Variants in KIF16B observed in about 807,000 individuals in gnomAD.
KIF16B encodes the protein kinesin-like protein KIF16B.
A neutral mutation model predicts 156.3 loss-of-function variants in KIF16B; 98 were observed. The ratio of observed to expected loss-of-function variants is 0.63; its 90% CI spans 0.53 to 0.74. The LOEUF (loss-of-function observed/expected upper bound fraction) is 0.74. KIF16B is among the 30% of genes least tolerant of loss of function. The probability of loss-of-function intolerance (pLI) is 0.00; values close to 1 mark genes in which losing one functional copy is unlikely to be tolerated. For missense variants in KIF16B, 1,421 were observed against 1,606.5 expected, an observed-to-expected ratio of 0.88 and a Z score of 1.97; for synonymous variants, 564 against 583.7, an observed-to-expected ratio of 0.97 and a Z score of 0.49.
chr20:16,547,280 G>A (rs1477424441), intron 1 of KIF16B, among the ~76,000 whole-genome samples: 1 of 152,128 alleles, frequency 6.6e-6, no homozygotes, highest in Non-Finnish European at 1.5e-5. Context: ...ACAAACACAT[G>A]CCTCCCCTTT....
At chr20:16,568,589 G>A (rs1028748534) in intron 1 of KIF16B, among the ~76,000 whole-genome samples, 3 of 152,068 alleles carry the variant, frequency 2.0e-5, no homozygotes, top group African/African-American at 7.2e-5. Flanking sequence ...CAAGGTGGGA[G>A]GATCACTTGA....
intron 3 of KIF16B, among the ~76,000 whole-genome samples, chr20:16,518,233 G>GT (rs2069209688): frequency 6.6e-6 from 1 of 152,268 alleles, no homozygotes; most frequent in East Asian, 1.9e-4. Flanking sequence ...CTCTCCAGAG[G>GT]TCTTGGCAAG....
intron 24 of KIF16B, among the ~76,000 whole-genome samples, chr20:16,335,551 G>A (rs1313004835): frequency 1.3e-5 from 2 of 152,112 alleles, no homozygotes; most frequent in Non-Finnish European, 2.9e-5. Flanking sequence ...AGAAAAAAGT[G>A]TAAATCTATA....
At chr20:16,319,232 A>C (rs1259069322) in intron 24 of KIF16B, among the ~76,000 whole-genome samples, 1 of 152,244 alleles carries the variant, frequency 6.6e-6, no homozygotes, top group Non-Finnish European at 1.5e-5. Context: ...AAGTATAGAC[A>C]TTAGTTAATA....
chr20:16,339,363 A>G (rs189209921), intron 23 of KIF16B, among the ~76,000 whole-genome samples: 1 of 151,966 alleles, frequency 6.6e-6, no homozygotes, highest in African/African-American at 2.4e-5. Context: ...TTTTCTTTTC[A>G]TCTGGGATTT....
chr20:16,478,425 C>A (rs1031828595), intron 12 of KIF16B, among the ~76,000 whole-genome samples: 1 of 152,096 alleles, frequency 6.6e-6, no homozygotes, highest in African/African-American at 2.4e-5. Context: ...TGTAATAGTC[C>A]CCCTTTATCC....
intron 2 of KIF16B, among the ~76,000 whole-genome samples, chr20:16,527,690 T>A (rs1383730807): frequency 6.6e-6 from 1 of 152,078 alleles, no homozygotes; most frequent in Non-Finnish European, 1.5e-5. Flanking sequence ...GATCCTCCCA[T>A]CTCAGCCTCT....
intron 12 of KIF16B, among the ~76,000 whole-genome samples, chr20:16,431,083 C>T (rs1007593159): frequency 1.4e-4 from 22 of 152,188 alleles, no homozygotes; most frequent in African/African-American, 5.3e-4. Flanking sequence ...TTTCTCTAAA[C>T]TCTACATATG....
intron 22 of KIF16B, among the ~76,000 whole-genome samples, chr20:16,358,492 T>A (rs995177031): frequency 1.1e-4 from 17 of 152,188 alleles, no homozygotes; most frequent in African/African-American, 4.1e-4. Context: ...AAGGATAAGA[T>A]GTGGAATCCA....
chr20:16,389,904 G>C (rs2065322764), intron 17 of KIF16B, among the ~76,000 whole-genome samples: 1 of 152,132 alleles, frequency 6.6e-6, no homozygotes, highest in African/African-American at 2.4e-5. Flanking sequence ...AGAAAGGTAG[G>C]AATAGCTGTT....
At chr20:16,339,095 A>G (rs927177822) in intron 23 of KIF16B, among the ~76,000 whole-genome samples, 1 of 152,218 alleles carries the variant, frequency 6.6e-6, no homozygotes, top group African/African-American at 2.4e-5. Context: ...GTAATATGAC[A>G]GAAAGGAGGC....
intron 25 of KIF16B, among the ~76,000 whole-genome samples, chr20:16,286,214 TAAAC>T (rs2063220512): frequency 6.6e-6 from 1 of 152,232 alleles, no homozygotes; most frequent in Non-Finnish European, 1.5e-5. Flanking sequence ...AGCACTGTAA[TAAAC>T]AATCTTATAT....
At chr20:16,317,868 G>A (rs1035298339) in intron 24 of KIF16B, among the ~76,000 whole-genome samples, 1 of 152,196 alleles carries the variant, frequency 6.6e-6, no homozygotes, top group African/African-American at 2.4e-5. Flanking sequence ...GGAGGAAGGC[G>A]AGCAGGGGCT....
chr20:16,517,506 G>T (rs1021069982), intron 3 of KIF16B, among the ~76,000 whole-genome samples: 1 of 152,214 alleles, frequency 6.6e-6, no homozygotes, highest in South Asian at 2.1e-4. Flanking sequence ...GAAGCTGAAT[G>T]GGGAGAAGTC....
At chr20:16,463,684 C>G (rs1189916861) in intron 12 of KIF16B, among the ~76,000 whole-genome samples, 1 of 152,122 alleles carries the variant, frequency 6.6e-6, no homozygotes, top group African/African-American at 2.4e-5. Flanking sequence ...TGATAGTCTT[C>G]TGATAGGTCC....
At chr20:16,323,203 T>C (rs965615291) in intron 24 of KIF16B, among the ~76,000 whole-genome samples, 1 of 151,992 alleles carries the variant, frequency 6.6e-6, no homozygotes, top group Non-Finnish European at 1.5e-5. Context: ...GCTATCTAAC[T>C]TTTACCCAAT....
At chr20:16,569,015 G>A (rs774762698) in intron 1 of KIF16B, among the ~76,000 whole-genome samples, 3 of 151,990 alleles carry the variant, frequency 2.0e-5, no homozygotes, top group African/African-American at 4.8e-5. Context: ...ATTAGGTCAT[G>A]AGGTCCTTGT....
chr20:16,494,139 GA>G (rs1459152189), intron 12 of KIF16B, 151 bp downstream of exon 12: 11 of 594,384 alleles, frequency 1.9e-5, no homozygotes, highest in Middle Eastern at 4.5e-4. Flanking sequence ...AATCAAACCA[GA>G]ACTCCCATCC....
chr20:16,283,128 G>A (rs1891211265), intron 25 of KIF16B, among the ~76,000 whole-genome samples: 1 of 152,196 alleles, frequency 6.6e-6, no homozygotes, highest in Admixed American at 6.5e-5. Flanking sequence ...TCTATAAAAG[G>A]ATGGATGGTA....
Sources: allele counts gnomAD v4.1 joint callset (sites outside exome capture counted in the v4.1 genomes callset), GRCh38; gene constraint gnomAD v4.1.1; transcripts MANE v1.5; gene names NCBI Gene and HGNC (gene_info 2026-07-23, HGNC 2026-07-21).